The following CDC16 variants were observed in gnomAD, a reference collection of about 807,000 sequenced individuals.
The protein encoded by CDC16 is cell division cycle 16.
In CDC16, 34 loss-of-function variants were observed where a neutral mutation model predicts 87.0. That is an observed-to-expected ratio of 0.39 (90% CI 0.30 to 0.52). CDC16 has a LOEUF of 0.52. Among genes scored for constraint, CDC16 ranks in the 20% least tolerant of loss-of-function variants. CDC16 has a pLI of 0.74. For missense variants in CDC16, 653 were observed against 751.9 expected, an observed-to-expected ratio of 0.87 and a Z score of 1.54; for synonymous variants, 263 against 260.6, an observed-to-expected ratio of 1.01 and a Z score of -0.09.
intron 17 of CDC16, 37 bp downstream of exon 17, chr13:114,265,277 A>G: frequency 7.7e-7 from 1 of 1,304,682 alleles, no homozygotes; most frequent in Non-Finnish European, 1.1e-6. Flanking sequence ...ATTGTACTCC[A>G]TTTTTTAGGT....
At chr13:114,268,134 A>G (rs896895635) in intron 17 of CDC16, among the ~76,000 whole-genome samples, 1 of 151,878 alleles carries the variant, frequency 6.6e-6, no homozygotes, top group Admixed American at 6.6e-5. Flanking sequence ...GAAAAGGGAA[A>G]GGGGGGGGAG....
At chr13:114,269,489 G>A (rs78988607) in intron 17 of CDC16, among the ~76,000 whole-genome samples, 5,275 of 152,182 alleles carry the variant, frequency 0.035, 126 homozygotes, top group Non-Finnish European at 0.049. Context: ...TCCCAGGTAT[G>A]AGCCCAGTGG....
Position 114,243,312 on chromosome 13 carries a change from A to T in CDC16, c.597A>T (p.Glu199Asp), listed in dbSNP as rs375025467. The change falls in exon 7 of 18, where the codon GAA becomes GAT. Residue 199 changes from glutamate (E) to aspartate (D), a missense_variant. By Grantham distance (45) the Glu-to-Asp change is conservative (BLOSUM62 2). Transcript: ENST00000356221. ...GCAAGCTGTGTAATGAAGAACAGGA[A>T]TTGCTGCGTTTTCTATTTGAGAACA... Reference protein sequence around the residue: ...PLSKLCNEEQELLRFLFENKL... With the variant: ...PLSKLCNEEQDLLRFLFENKL... The T allele has an allele frequency of 2.3e-5, 37 of 1,590,278 alleles. No individual in the cohort carries two copies. The highest frequency in any genetic ancestry group is 3.2e-5 in the Non-Finnish European group (37 of 1,158,802).
At chr13:114,242,396 A>G (rs2081597074) in intron 6 of CDC16, 116 bp downstream of exon 6, 5 of 890,160 alleles carry the variant, frequency 5.6e-6, no homozygotes, top group African/African-American at 1.7e-5. Flanking sequence ...AAATAGACCT[A>G]CTCACTTTCT....
At chr13:114,245,238 AAATTGTT>A (rs1357259362) in intron 9 of CDC16, among the ~76,000 whole-genome samples, 3 of 151,580 alleles carry the variant, frequency 2.0e-5, no homozygotes, top group African/African-American at 7.3e-5. Flanking sequence ...TGTTAGCTTT[AAATTGTT>A]GGGTGTCAGT....
At chr13:114,261,842 A>T (rs753445814) in intron 14 of CDC16, 45 bp from the exon 15 acceptor site, 1 of 1,370,068 alleles carries the variant, frequency 7.3e-7, no homozygotes, top group East Asian at 2.4e-5. Flanking sequence ...ATCAGGCTGA[A>T]CAGTGACATA....
At chr13:114,249,368 AT>A (rs2082038920) in intron 11 of CDC16, among the ~76,000 whole-genome samples, 1 of 151,828 alleles carries the variant, frequency 6.6e-6, no homozygotes, top group Non-Finnish European at 1.5e-5. Flanking sequence ...CTTTCTTGAC[AT>A]ATGAAGCTTT....
chr13:114,234,930 G>T lies in CDC16; in HGVS notation c.-155G>T, dbSNP rs1255890864. 1 of 431,814 alleles carries T rather than the reference G, an allele frequency of 2.3e-6. No homozygotes were observed. The highest frequency in any genetic ancestry group is 2.1e-5 in the African/African-American group (1 of 48,468). The allele number at this position is 431,814 out of a possible 1,614,324, so 26.7% of individuals were successfully genotyped here. On this transcript the variant is annotated 5_prime_UTR_variant, in exon 1 of 18. Transcript: ENST00000356221. ...GGGCCTGGGTGGGGGGTGCGGGTGT[G>T]GGTGGGGACCTGCGGCCTTCGAGTC...
intron 17 of CDC16, among the ~76,000 whole-genome samples, chr13:114,265,818 A>ATT (rs35581239): frequency 2.0e-5 from 3 of 147,420 alleles, no homozygotes; most frequent in African/African-American, 5.0e-5. Context: ...TACTAAAGTA[A>ATT]TTTTTTTTTT....
intron 14 of CDC16, among the ~76,000 whole-genome samples, chr13:114,261,222 A>C (rs2082843508): frequency 6.6e-6 from 1 of 152,192 alleles, no homozygotes; most frequent in South Asian, 2.1e-4. Context: ...CAGGAGGGTT[A>C]AGTGTGGATC....
At chr13:114,254,476 A>G (rs996213629) in intron 12 of CDC16, among the ~76,000 whole-genome samples, 12 of 152,160 alleles carry the variant, frequency 7.9e-5, no homozygotes, top group African/African-American at 2.9e-4. Context: ...TTTAATTTTA[A>G]TAGTACGCCC....
At chr13:114,239,740 G>A (rs2081448478) in intron 5 of CDC16, among the ~76,000 whole-genome samples, 1 of 152,134 alleles carries the variant, frequency 6.6e-6, no homozygotes, top group Non-Finnish European at 1.5e-5. Flanking sequence ...CATATTTGAT[G>A]CCTTAAGCTA....
At position 114,272,499 on chromosome 13, in the gene CDC16, T is replaced by A; in HGVS notation, c.*56T>A. ...CAGTGTAGGTTAGTATTCCTTCACA[T>A]CCTCTCCATGGCTTAAGAATGTCCC... On this transcript the variant is annotated 3_prime_UTR_variant, in exon 18 of 18. Transcript: ENST00000356221. 1 of 1,488,146 alleles carries A rather than the reference T, an allele frequency of 6.7e-7. No homozygotes were observed. Among genetic ancestry groups the A allele is most frequent in the Non-Finnish European group, 9.2e-7 (1 of 1,082,844 alleles). 92.2% of individuals were successfully genotyped at this position (1,488,146 alleles called of 1,614,324 possible).
chr13:114,270,266 T>C (rs2083527662), intron 17 of CDC16, among the ~76,000 whole-genome samples: 2 of 152,092 alleles, frequency 1.3e-5, no homozygotes, highest in East Asian at 3.9e-4. Context: ...ACTTGACATA[T>C]CCGGAACAGG....
At chr13:114,260,250 T>G (rs2082755628) in intron 14 of CDC16, among the ~76,000 whole-genome samples, 1 of 152,232 alleles carries the variant, frequency 6.6e-6, no homozygotes, top group South Asian at 2.1e-4. Flanking sequence ...TTTACTTTGG[T>G]CTCTCATGTC....
intron 17 of CDC16, among the ~76,000 whole-genome samples, chr13:114,266,827 C>G (rs2083251826): frequency 6.6e-6 from 1 of 152,062 alleles, no homozygotes. Flanking sequence ...TCCTGAGTAG[C>G]TGGGACTACA....
At chr13:114,264,653 C>T (rs1215379773) in intron 16 of CDC16, among the ~76,000 whole-genome samples, 2 of 151,986 alleles carry the variant, frequency 1.3e-5, no homozygotes, top group African/African-American at 4.8e-5. Flanking sequence ...GCTTTGTCGC[C>T]TAGGCTAGAG....
At chr13:114,247,136 TTTTC>T (rs2081916533) in intron 11 of CDC16, 132 bp downstream of exon 11, 3 of 629,364 alleles carry the variant, frequency 4.8e-6, no homozygotes, top group Non-Finnish European at 8.4e-6. Flanking sequence ...TCTTCCTTTC[TTTTC>T]TTTCTCTCTT....
Position 114,259,057 on chromosome 13 carries a change from C to G in CDC16, c.1251-278C>G, listed in dbSNP as rs1479457646. 2.7e-5 allele frequency among the ~76,000 whole-genome samples: 4 copies of G among 148,640 alleles called. No homozygotes were observed. In the East Asian group the frequency reaches 7.9e-4, roughly 29 times the overall value. On this transcript the variant is annotated intron_variant, in intron 13 of 17. Transcript: ENST00000356221. ...GAGGCTGCAGTGAGCTGAGATCGCA[C>G]CACTGCACTCCAGCCTAGGTAACAG...
Sources: gnomAD v4.1 joint callset for allele counts (sites outside exome capture counted in the v4.1 genomes callset) on GRCh38, gnomAD v4.1.1 for gene constraint, MANE v1.5 for transcripts, NCBI Gene and HGNC (gene_info 2026-07-23, HGNC 2026-07-21) for gene names.